ARHGAP15: variants seen among roughly 807,000 people sequenced by gnomAD.
The protein encoded by ARHGAP15 is rho GTPase-activating protein 15.
In ARHGAP15, 51 loss-of-function variants were observed where a neutral mutation model predicts 63.7. That is an observed-to-expected ratio of 0.80 (90% CI 0.64 to 1.01). ARHGAP15 has a LOEUF of 1.01. Among genes scored for constraint, ARHGAP15 ranks in the 50% least tolerant of loss-of-function variants. The pLI, the probability that ARHGAP15 is intolerant of heterozygous loss-of-function variation, is 0.00. For synonymous variants in ARHGAP15, 191 were observed against 193.8 expected (o/e 0.99, Z 0.12); for missense variants, 560 against 564.6 (o/e 0.99, Z 0.08).
intron 6 of ARHGAP15, among the ~76,000 whole-genome samples, chr2:143,377,318 C>T (rs567105569): frequency 5.9e-5 from 9 of 151,952 alleles, no homozygotes; most frequent in African/African-American, 2.2e-4. Context: ...AAACCTCTTT[C>T]TACAAAATTG....
intron 6 of ARHGAP15, among the ~76,000 whole-genome samples, chr2:143,263,165 G>A (rs1680814451): frequency 6.6e-6 from 1 of 152,166 alleles, no homozygotes; most frequent in African/African-American, 2.4e-5. Flanking sequence ...TTTCTTCCAA[G>A]TGATGTGACA....
intron 6 of ARHGAP15, among the ~76,000 whole-genome samples, chr2:143,367,015 A>G (rs926468546): frequency 6.6e-6 from 1 of 152,088 alleles, no homozygotes; most frequent in Admixed American, 6.5e-5. Context: ...TGGCTCTAAA[A>G]ATGTTTATAG....
At chr2:143,565,143 A>G (rs998608167) in intron 11 of ARHGAP15, among the ~76,000 whole-genome samples, 2 of 152,186 alleles carry the variant, frequency 1.3e-5, no homozygotes, top group African/African-American at 4.8e-5. Flanking sequence ...AGGTGAATCT[A>G]TTTTAAACTT....
intron 10 of ARHGAP15, among the ~76,000 whole-genome samples, chr2:143,529,770 C>T (rs1274065401): frequency 6.6e-6 from 1 of 152,144 alleles, no homozygotes; most frequent in Admixed American, 6.6e-5. Context: ...TATTCTCTAA[C>T]TTAAATCCAT....
chr2:143,352,172 C>A (rs574567167), intron 6 of ARHGAP15, among the ~76,000 whole-genome samples: 3 of 152,208 alleles, frequency 2.0e-5, no homozygotes, highest in South Asian at 2.1e-4. Flanking sequence ...GCAAAGAATA[C>A]CCTAACATAT....
At chr2:143,459,724 G>T (rs562223321) in intron 8 of ARHGAP15, among the ~76,000 whole-genome samples, 2 of 152,132 alleles carry the variant, frequency 1.3e-5, no homozygotes, top group African/African-American at 4.8e-5. Context: ...GAATTGAAGT[G>T]TTTTTTGATC....
At chr2:143,281,758 T>C (rs1407997280) in intron 6 of ARHGAP15, among the ~76,000 whole-genome samples, 2 of 152,164 alleles carry the variant, frequency 1.3e-5, no homozygotes, top group African/African-American at 2.4e-5. Flanking sequence ...TTAGCAATGA[T>C]AGACTCCGAA....
At chr2:143,236,078 T>C (rs1693631614) in intron 5 of ARHGAP15, 1 of 1,358,502 alleles carries the variant, frequency 7.4e-7, no homozygotes, top group African/African-American at 1.5e-5. Flanking sequence ...AGAACATCCA[T>C]TCATTTATTC....
intron 8 of ARHGAP15, among the ~76,000 whole-genome samples, chr2:143,484,865 G>C (rs891201760): frequency 6.6e-6 from 1 of 152,140 alleles, no homozygotes; most frequent in Non-Finnish European, 1.5e-5. Flanking sequence ...ACATTGGATA[G>C]CACAAGTCTA....
chr2:143,694,700 A>G (rs145258379), intron 12 of ARHGAP15, among the ~76,000 whole-genome samples: 2 of 152,342 alleles, frequency 1.3e-5, no homozygotes, highest in Non-Finnish European at 2.9e-5. Flanking sequence ...ATGTTTGTTT[A>G]ATTAATAACT....
chr2:143,642,120 G>C (rs1680631366), intron 12 of ARHGAP15, among the ~76,000 whole-genome samples: 1 of 152,052 alleles, frequency 6.6e-6, no homozygotes, highest in South Asian at 2.1e-4. Flanking sequence ...TGTAAAATAT[G>C]TTTGTAAATA....
chr2:143,626,813 C>T (rs563904193), intron 12 of ARHGAP15, among the ~76,000 whole-genome samples: 24 of 152,248 alleles, frequency 1.6e-4, no homozygotes, highest in African/African-American at 3.9e-4. Context: ...AGTCCCCGCT[C>T]GACCCAGGAA....
intron 12 of ARHGAP15, among the ~76,000 whole-genome samples, chr2:143,655,012 C>A (rs1574780715): frequency 6.6e-6 from 1 of 152,026 alleles, no homozygotes; most frequent in Non-Finnish European, 1.5e-5. Context: ...TGGGAGGACT[C>A]CTTGAGCCCA....
Position 143,322,031 on chromosome 2 carries a change from CTTTTCTTGCTAA to C in ARHGAP15, c.474+71437_474+71448del, listed in dbSNP as rs532628111. On this transcript the variant is annotated intron_variant, in intron 6 of 13. Transcript: ENST00000295095. The stretch of plus-strand genomic sequence containing the variant: ...AATCACTCTATCTAGATGATTACTT[CTTTTCTTGCTAA>C]TTTTCATCTTTCCTGGATTCTATGC... 8.5e-5 allele frequency among the ~76,000 whole-genome samples: 13 copies of C among 152,318 alleles called. No homozygotes were observed. In the South Asian group the frequency reaches 2.7e-3, roughly 32 times the overall value.
intron 4 of ARHGAP15, among the ~76,000 whole-genome samples, chr2:143,219,288 C>T (rs1013327794): frequency 1.3e-5 from 2 of 152,194 alleles, no homozygotes; most frequent in Admixed American, 6.5e-5. Context: ...AGCCTAGGAG[C>T]AATAGGCTAT....
At chr2:143,188,943 AT>A (rs993229095) in intron 2 of ARHGAP15, among the ~76,000 whole-genome samples, 332 of 145,906 alleles carry the variant, frequency 2.3e-3, no homozygotes, top group African/African-American at 6.2e-3. Context: ...ATTTCTAACG[AT>A]TTTTTTTTTT....
intron 6 of ARHGAP15, among the ~76,000 whole-genome samples, chr2:143,253,291 C>G (rs1215893553): frequency 6.9e-6 from 1 of 145,704 alleles, no homozygotes; most frequent in Non-Finnish European, 1.5e-5. Flanking sequence ...AATAGGAAAA[C>G]AAACAAAAAA....
intron 13 of ARHGAP15, among the ~76,000 whole-genome samples, chr2:143,718,586 T>C (rs181062435): frequency 6.4e-4 from 98 of 152,308 alleles, no homozygotes; most frequent in African/African-American, 2.3e-3. Context: ...TGTATCTTAT[T>C]TCTGGTCATT....
chr2:143,341,155 A>G (rs1283825940), intron 6 of ARHGAP15, among the ~76,000 whole-genome samples: 2 of 151,924 alleles, frequency 1.3e-5, no homozygotes, highest in Non-Finnish European at 2.9e-5. Flanking sequence ...CATCCATTAG[A>G]TATGGCATTT....
Sources: allele counts gnomAD v4.1 joint callset (sites outside exome capture counted in the v4.1 genomes callset), GRCh38; gene constraint gnomAD v4.1.1; transcripts MANE v1.5; gene names NCBI Gene and HGNC (gene_info 2026-07-23, HGNC 2026-07-21).